Variants in ACOXL observed in about 807,000 individuals in gnomAD.
ACOXL encodes acyl-coenzyme A oxidase-like protein.
Under a neutral mutation model 71.9 loss-of-function variants are expected in ACOXL, and 70 were observed. The ratio of observed to expected loss-of-function variants is 0.97; its 90% CI spans 0.80 to 1.19. ACOXL has a LOEUF of 1.19. ACOXL is among the 50% of genes most tolerant of loss of function. ACOXL has a pLI of 0.00. For missense variants in ACOXL, 703 were observed against 736.3 expected (o/e 0.95, Z 0.52); for synonymous variants, 253 against 281.6 (o/e 0.90, Z 1.02).
chr2:110,909,328 G>C (rs576610146), intron 11 of ACOXL, among the ~76,000 whole-genome samples: 1 of 152,082 alleles, frequency 6.6e-6, no homozygotes, highest in Non-Finnish European at 1.5e-5. Context: ...GGGGAGGCAG[G>C]GAGTGAGGAG....
intron 11 of ACOXL, among the ~76,000 whole-genome samples, chr2:110,921,486 C>T (rs1001609365): frequency 4.0e-5 from 6 of 149,520 alleles, no homozygotes; most frequent in African/African-American, 7.4e-5. Context: ...CTCCACTTCC[C>T]GGGTTCACAA....
intron 14 of ACOXL, among the ~76,000 whole-genome samples, chr2:111,016,299 G>A (rs1482462121): frequency 2.6e-5 from 4 of 152,074 alleles, no homozygotes; most frequent in Admixed American, 6.5e-5. Context: ...CTGCCTGGTG[G>A]GGGAGTTCAG....
At chr2:110,762,043 A>G (rs1680462984) in intron 1 of ACOXL, among the ~76,000 whole-genome samples, 2 of 152,172 alleles carry the variant, frequency 1.3e-5, no homozygotes, top group African/African-American at 4.8e-5. Context: ...GTACACGTTT[A>G]GGATTGTTAT....
At chr2:111,117,465 C>A in intron 17 of ACOXL, 151 bp from the exon 18 acceptor site, 2 of 808,562 alleles carry the variant, frequency 2.5e-6, no homozygotes, top group South Asian at 3.4e-5. Context: ...GAGGGTTATT[C>A]ATGGCCAACA....
chr2:110,930,639 A>G (rs1444755951), intron 11 of ACOXL, among the ~76,000 whole-genome samples: 1 of 152,170 alleles, frequency 6.6e-6, no homozygotes, highest in Non-Finnish European at 1.5e-5. Context: ...CTCATCTTGC[A>G]TTGTAGCTCC....
intron 10 of ACOXL, among the ~76,000 whole-genome samples, chr2:110,870,074 A>G (rs1344935058): frequency 1.3e-5 from 2 of 152,176 alleles, no homozygotes; most frequent in African/African-American, 2.4e-5. Flanking sequence ...GCGGAGGACT[A>G]GTTATCTTAT....
intron 3 of ACOXL, 28 bp downstream of exon 3, chr2:110,784,843 A>C (rs1293703256): frequency 6.3e-7 from 1 of 1,577,584 alleles, no homozygotes. Context: ...CCTGCCCTTC[A>C]TGAATGCATG....
chr2:110,809,793 C>T (rs1687091191), intron 9 of ACOXL, among the ~76,000 whole-genome samples: 1 of 152,158 alleles, frequency 6.6e-6, no homozygotes, highest in African/African-American at 2.4e-5. Flanking sequence ...CCTTGAGAGC[C>T]AGCCAGGGTT....
chr2:111,064,711 C>T (rs1355755984), intron 16 of ACOXL, among the ~76,000 whole-genome samples: 1 of 152,102 alleles, frequency 6.6e-6, no homozygotes, highest in Non-Finnish European at 1.5e-5. Flanking sequence ...ACTGACTTTA[C>T]TAGTATCGGA....
At chr2:110,753,988 C>T (rs548784428) in intron 1 of ACOXL, among the ~76,000 whole-genome samples, 4 of 151,054 alleles carry the variant, frequency 2.6e-5, no homozygotes, top group South Asian at 2.1e-4. Flanking sequence ...AGCACTTTCT[C>T]GTGTGCTTGC....
chr2:111,045,383 G>T (rs1374785281), intron 15 of ACOXL, among the ~76,000 whole-genome samples: 2 of 152,202 alleles, frequency 1.3e-5, no homozygotes, highest in Non-Finnish European at 2.9e-5. Context: ...TGAATCAGCT[G>T]TCAGGGAAAG....
At chr2:110,947,937 C>G (rs2061169138) in intron 12 of ACOXL, among the ~76,000 whole-genome samples, 1 of 152,238 alleles carries the variant, frequency 6.6e-6, no homozygotes, top group African/African-American at 2.4e-5. Context: ...CATCTTGGCT[C>G]CTTTGAAACC....
intron 15 of ACOXL, among the ~76,000 whole-genome samples, chr2:111,042,628 T>C (rs1334643817): frequency 6.6e-6 from 1 of 152,060 alleles, no homozygotes; most frequent in African/African-American, 2.4e-5. Context: ...AGAAACAATA[T>C]TGAGAGAATG....
chr2:111,062,570 C>A (rs1418484020), intron 16 of ACOXL, among the ~76,000 whole-genome samples: 1 of 151,984 alleles, frequency 6.6e-6, no homozygotes, highest in African/African-American at 2.4e-5. Context: ...GAACATAAAG[C>A]AAACCTCAAA....
At chr2:110,922,789 A>G (rs1008785796) in intron 11 of ACOXL, among the ~76,000 whole-genome samples, 1 of 152,210 alleles carries the variant, frequency 6.6e-6, no homozygotes, top group African/African-American at 2.4e-5. Flanking sequence ...GAGGTGATCA[A>G]TAGAAATTCA....
rs965057354 is a variant in ACOXL at position 110,979,730 on chromosome 2, C to T, written c.1060-7378C>T. On this transcript the variant is annotated intron_variant, in intron 12 of 17. Transcript: ENST00000439055. ...TCACCAAATCAATCACTTTCAAGGC[C>T]GGGCAGGTACCTTAATAACTGTAGC... Among the ~76,000 whole-genome samples the T allele has an allele frequency of 5.3e-5, 8 of 152,102 alleles. No homozygotes were observed. The South Asian group carries it at 6.2e-4, about 12-fold the overall frequency.
Position 110,908,776 on chromosome 2 carries a change from T to C in ACOXL, c.789-13T>C, listed in dbSNP as rs2059548923. The C allele has an allele frequency of 6.2e-7, 1 of 1,608,600 alleles. No homozygotes were observed. Among genetic ancestry groups the C allele is most frequent in the Non-Finnish European group, 8.5e-7 (1 of 1,175,534 alleles). On this transcript the variant is annotated splice_polypyrimidine_tract_variant and intron_variant, in intron 10 of 17. Coordinates refer to ENST00000439055, the MANE Select transcript of ACOXL (RefSeq NM_001142807.4). ...GGATTTTGGTAAAAATCGTGTCTGT[T>C]GATTCCCTCTAGCCGGAGGCAGTTT...
rs146804024 is a variant in ACOXL at position 111,017,096 on chromosome 2, T to G, written c.1282-14531T>G. Among the ~76,000 whole-genome samples the G allele has an allele frequency of 9.3e-4, 141 of 152,358 alleles. 1 individual carries two copies. Among genetic ancestry groups the G allele is most frequent in the African/African-American group, 3.3e-3 (136 of 41,586 alleles). On this transcript the variant is annotated intron_variant, in intron 14 of 17. Coordinates refer to ENST00000439055, the MANE Select transcript of ACOXL (RefSeq NM_001142807.4). Reference sequence around the variant, plus strand: ...TACACCAATTGCTAGTGAGTTTGACTTGGCGTAAGTGACAACACCGCACTA... The same window carrying G: ...TACACCAATTGCTAGTGAGTTTGACGTGGCGTAAGTGACAACACCGCACTA...
chr2:110,871,154 G>A (rs1465317971), intron 10 of ACOXL, among the ~76,000 whole-genome samples: 2 of 152,146 alleles, frequency 1.3e-5, no homozygotes, highest in Non-Finnish European at 2.9e-5. Flanking sequence ...GATAGGAGAC[G>A]TTTTGCATTC....
Sources: gnomAD v4.1 joint callset for allele counts (sites outside exome capture counted in the v4.1 genomes callset) on GRCh38, gnomAD v4.1.1 for gene constraint, MANE v1.5 for transcripts, NCBI Gene and HGNC (gene_info 2026-07-23, HGNC 2026-07-21) for gene names.